Variants in QSOX1 observed in about 807,000 individuals in gnomAD.
The protein encoded by QSOX1 is sulfhydryl oxidase 1.
QSOX1 carries 40 observed loss-of-function variants against 76.1 expected under a neutral mutation model. The observed-to-expected ratio is 0.53, with a 90% CI of 0.41 to 0.68. The LOEUF is 0.68. Among genes scored for constraint, QSOX1 ranks in the 30% least tolerant of loss-of-function variants. The pLI is 0.00. For synonymous variants in QSOX1, 392 were observed against 413.1 expected (o/e 0.95, Z 0.62); for missense variants, 931 against 974.3 (o/e 0.96, Z 0.59).
chr1:180,186,759 T>A (rs565986022), intron 8 of QSOX1, among the ~76,000 whole-genome samples: 73 of 152,272 alleles, frequency 4.8e-4, no homozygotes, highest in African/African-American at 1.5e-3. Context: ...GCGAGGTGGG[T>A]GGTTTATTTT....
At chr1:180,190,605 A>T in intron 10 of QSOX1, 25 bp downstream of exon 10, 2 of 1,602,354 alleles carry the variant, frequency 1.2e-6, no homozygotes, top group Non-Finnish European at 1.7e-6. Flanking sequence ...CGTTCACCCC[A>T]CTGTGCCTCC....
chr1:180,156,518 A>G (rs1662379569), intron 1 of QSOX1, among the ~76,000 whole-genome samples: 1 of 152,094 alleles, frequency 6.6e-6, no homozygotes, highest in African/African-American at 2.4e-5. Flanking sequence ...TTTCAGACTC[A>G]CCCTCCTCTT....
In QSOX1 at chr1:180,197,910, G is replaced by C. The variant is rs1001388199; in HGVS notation, c.*873G>C. ...GGGAGGGGAGTGTCTTCTCTCTCCA[G>C]GTTTCACCTTCCAGTGTGCAGAAGT... On this transcript the variant is annotated 3_prime_UTR_variant, in exon 12 of 12. Coordinates refer to ENST00000367602, the MANE Select transcript of QSOX1 (RefSeq NM_002826.5). The C allele has an allele frequency of 3.1e-6, 1 of 322,366 alleles. No homozygotes were observed. The highest frequency in any genetic ancestry group is 2.2e-5 in the African/African-American group (1 of 46,146). 20.0% of individuals were successfully genotyped at this position (322,366 alleles called of 1,614,324 possible). A position where few individuals can be genotyped will look rare whatever the true frequency, so the allele number is the denominator to read the frequency against.
chr1:180,173,698 A>G (rs1029958598), intron 2 of QSOX1, among the ~76,000 whole-genome samples: 2 of 152,168 alleles, frequency 1.3e-5, no homozygotes, highest in African/African-American at 4.8e-5. Context: ...GTCTGTAACA[A>G]ACAAGTCCTA....
At chr1:180,192,309 G>A (rs75281874) in intron 10 of QSOX1, among the ~76,000 whole-genome samples, 5,722 of 152,310 alleles carry the variant, frequency 0.038, 190 homozygotes, top group East Asian at 0.16. Context: ...TGGGCTCAGA[G>A]GCCTTGGCGA....
At position 180,202,088 on chromosome 1, in the gene QSOX1, T is replaced by G. The variant is rs1291509002; in HGVS notation, c.*5051T>G. On this transcript the variant is annotated 3_prime_UTR_variant, in exon 12 of 12. Coordinates refer to ENST00000367602, the MANE Select transcript of QSOX1 (RefSeq NM_002826.5). ...AGGCCTGGGTCACAGTGGAAGAGAG[T>G]CTGGAAATCACAAGGCAGAGGAGGA... 6.6e-6 allele frequency: 1 copy of G among 151,706 alleles called. No individual in the cohort carries two copies. Among genetic ancestry groups the G allele is most frequent in the Non-Finnish European group, 1.5e-5 (1 of 67,964 alleles). The allele number at this position is 151,706 out of a possible 1,614,324, so 9.4% of individuals were successfully genotyped here.
At chr1:180,193,059 T>A (rs1663359976) in intron 10 of QSOX1, among the ~76,000 whole-genome samples, 1 of 151,874 alleles carries the variant, frequency 6.6e-6, no homozygotes, top group African/African-American at 2.4e-5. Context: ...GTGGAGGTAA[T>A]GGCCTTGTTG....
chr1:180,198,344 A>G lies in QSOX1; in HGVS notation c.*1307A>G, dbSNP rs758017081. The G allele has an allele frequency of 2.2e-6, 1 of 456,718 alleles. No homozygotes were observed. Among genetic ancestry groups the G allele is most frequent in the Non-Finnish European group, 4.4e-6 (1 of 226,954 alleles). 28.3% of individuals were successfully genotyped at this position (456,718 alleles called of 1,614,324 possible). Reference sequence around the variant, plus strand: ...CTGCCTAATTCCAGCTCCTCCAGGAAGCAAGGGCTTGTTTGTCAGAGCTGC... The same window carrying G: ...CTGCCTAATTCCAGCTCCTCCAGGAGGCAAGGGCTTGTTTGTCAGAGCTGC... On this transcript the variant is annotated 3_prime_UTR_variant, in exon 12 of 12. Transcript: ENST00000367602.
intron 2 of QSOX1, among the ~76,000 whole-genome samples, chr1:180,168,457 CAGTCCAT>C (rs1405905523): frequency 2.6e-5 from 4 of 152,256 alleles, no homozygotes; most frequent in Non-Finnish European, 4.4e-5. Context: ...ACCCAGTGCC[CAGTCCAT>C]AGGCCAAGTG....
intron 11 of QSOX1, among the ~76,000 whole-genome samples, chr1:180,195,269 C>G (rs1353107854): frequency 6.6e-6 from 1 of 152,116 alleles, no homozygotes; most frequent in Non-Finnish European, 1.5e-5. Flanking sequence ...GTGGTTCCCT[C>G]CCCTCTCTGG....
At chr1:180,171,364 G>A (rs1205061866) in intron 2 of QSOX1, among the ~76,000 whole-genome samples, 1 of 145,114 alleles carries the variant, frequency 6.9e-6, no homozygotes, top group East Asian at 1.9e-4. Flanking sequence ...GGGTGGCAGG[G>A]AGGGGGACTG....
At chr1:180,177,842 A>C (rs1662935880) in intron 4 of QSOX1, among the ~76,000 whole-genome samples, 1 of 150,216 alleles carries the variant, frequency 6.7e-6, no homozygotes, top group Admixed American at 6.7e-5. Context: ...GGGCTCCAGC[A>C]TCAATACCAT....
chr1:180,172,588 C>T (rs573426182), intron 2 of QSOX1, among the ~76,000 whole-genome samples: 2 of 152,246 alleles, frequency 1.3e-5, no homozygotes, highest in African/African-American at 4.8e-5. Context: ...GGCATGATCT[C>T]GGCTCACTGT....
At chr1:180,165,601 AC>A (rs1311052915) in intron 1 of QSOX1, among the ~76,000 whole-genome samples, 9 of 152,134 alleles carry the variant, frequency 5.9e-5, no homozygotes, top group African/African-American at 2.2e-4. Context: ...ACCTCTCCAA[AC>A]TTGAGAGTTC....
intron 1 of QSOX1, among the ~76,000 whole-genome samples, chr1:180,160,631 A>G (rs949419445): frequency 1.3e-5 from 2 of 152,300 alleles, no homozygotes; most frequent in East Asian, 3.9e-4. Flanking sequence ...TGCCAGACAA[A>G]AAAAGGTAGA....
chr1:180,160,449 TAGTAC>T (rs759090487), intron 1 of QSOX1, among the ~76,000 whole-genome samples: 29 of 151,860 alleles, frequency 1.9e-4, no homozygotes, highest in Non-Finnish European at 3.5e-4. Context: ...AAGGGACCAC[TAGTAC>T]AGTTTGAACA....
At position 180,196,513 on chromosome 1, in the gene QSOX1, C is replaced by T. The variant is rs371276500; in HGVS notation, c.1720C>T (p.Arg574Trp). 49 of 1,613,978 alleles carry T rather than the reference C, an allele frequency of 3.0e-5. No individual in the cohort carries two copies. Among genetic ancestry groups the T allele is most frequent in the African/African-American group, 2.5e-4 (19 of 74,914 alleles). The change falls in exon 12 of 12, where the codon CGG (arginine) becomes TGG (tryptophan). Residue 574 changes from arginine to tryptophan, a missense_variant. Arg to Trp is a moderately radical substitution (Grantham distance 101). Coordinates refer to ENST00000367602, the MANE Select transcript of QSOX1 (RefSeq NM_002826.5). The surrounding 1 kb of genome is among the most constrained non-coding windows in gnomAD (Gnocchi z 4.1). ...GATGGGAGCCCTGGAGCTGGAAAGC[C>T]GGAATTCAACTCTGGACCCTGGGAA... ...LAMGALELES[R>W]NSTLDPGKPE...
At chr1:180,166,435 C>A in intron 1 of QSOX1, 56 bp from the exon 2 acceptor site, 3 of 1,412,638 alleles carry the variant, frequency 2.1e-6, no homozygotes, top group Non-Finnish European at 2.0e-6. Context: ...GGGAGATGGG[C>A]GGGCAGAGGG....
chr1:180,186,539 G>GA (rs2149240252), intron 8 of QSOX1, among the ~76,000 whole-genome samples: 1 of 151,996 alleles, frequency 6.6e-6, no homozygotes, highest in Admixed American at 6.6e-5. Context: ...TGGTCACTGG[G>GA]AAAGCAGGAC....
Sources: gnomAD v4.1 joint callset for allele counts (sites outside exome capture counted in the v4.1 genomes callset) on GRCh38, gnomAD v4.1.1 for gene constraint, Gnocchi (gnomAD v3.1) non-coding constraint, MANE v1.5 for transcripts, NCBI Gene and HGNC (gene_info 2026-07-23, HGNC 2026-07-21) for gene names.